The following KIAA1549 variants were observed in gnomAD, a reference collection of about 807,000 sequenced individuals.
KIAA1549 encodes the protein KIAA1549.
In KIAA1549, 70 loss-of-function variants were observed where a neutral mutation model predicts 156.4. The ratio of observed to expected loss-of-function variants is 0.45; its 90% CI spans 0.37 to 0.55. KIAA1549 has a LOEUF of 0.55. KIAA1549 is among the 20% of genes least tolerant of loss of function. The pLI is 0.00. For synonymous variants in KIAA1549, 1,103 were observed against 1,066.4 expected (o/e 1.03, Z -0.67); for missense variants, 2,428 against 2,540.9 (o/e 0.96, Z 0.96).
At chr7:138,850,354 ATC>A (rs1253054430) in intron 17 of KIAA1549, among the ~76,000 whole-genome samples, 2 of 152,198 alleles carry the variant, frequency 1.3e-5, no homozygotes, top group African/African-American at 4.8e-5. Flanking sequence ...CCTCACCAGC[ATC>A]TGTTATTTTC....
Position 138,861,218 on chromosome 7 carries a change from G to T in KIAA1549, c.5168C>A (p.Thr1723Asn), listed in dbSNP as rs1181415226. ...GVPPGLPANS[T>N]PSQEERRATQ... ...GGCTCGCCTCTCTTCCTGGGAAGGG[G>T]TGCTGTTTGCGGGCAGGCCGGGTGG... The change falls in exon 16 of 20, where the codon ACC becomes AAC. Residue 1723 changes from threonine to asparagine, a missense_variant. Physicochemically the swap from Thr to Asn is moderately conservative, Grantham distance 65 (BLOSUM62 0). Around this residue, in one of 5 missense-constraint regions of KIAA1549, gnomAD observed 363 missense variants for 354.0 expected, o/e 1.03. Coordinates refer to ENST00000422774, the MANE Select transcript of KIAA1549 (RefSeq NM_001164665.2). The T allele has an allele frequency of 6.2e-7, 1 of 1,613,496 alleles. No homozygotes were observed. Among genetic ancestry groups the T allele is most frequent in the Non-Finnish European group, 8.5e-7 (1 of 1,179,806 alleles).
intron 1 of KIAA1549, among the ~76,000 whole-genome samples, chr7:138,927,897 C>T (rs1358784251): frequency 6.6e-6 from 1 of 151,626 alleles, no homozygotes; most frequent in Non-Finnish European, 1.5e-5. Flanking sequence ...GCGGGCCACT[C>T]ATGTTGCCTC....
Position 138,837,052 on chromosome 7 carries a change from G to A in KIAA1549, c.*854C>T. 1 of 228,808 alleles carries A rather than the reference G, an allele frequency of 4.4e-6. No homozygotes were observed. The highest frequency in any genetic ancestry group is 8.7e-6 in the Non-Finnish European group (1 of 115,346). 14.2% of individuals were successfully genotyped at this position (228,808 alleles called of 1,614,324 possible). A position where few individuals can be genotyped will look rare whatever the true frequency, so the allele number is the denominator to read the frequency against. On this transcript the variant is annotated 3_prime_UTR_variant, in exon 20 of 20. Coordinates refer to ENST00000422774, the MANE Select transcript of KIAA1549 (RefSeq NM_001164665.2). ...GGCCTTAGCGATCGGTGCTGAACTG[G>A]GACATGACCAGGAGTTGTGTGTGCC...
chr7:138,942,737 C>T lies in KIAA1549; in HGVS notation c.188-23299G>A, dbSNP rs190893026. Among the ~76,000 whole-genome samples the T allele has an allele frequency of 5.4e-3, 822 of 152,128 alleles. 9 individuals are homozygous for T. Among genetic ancestry groups the T allele is most frequent in the African/African-American group, 0.019 (781 of 41,498 alleles). Reference sequence around the variant, plus strand: ...CATCCTGGCTAACATGGTGAAACCCCATCTCTACTGAAAATATAAAAAATT... The same window carrying T: ...CATCCTGGCTAACATGGTGAAACCCTATCTCTACTGAAAATATAAAAAATT... On this transcript the variant is annotated intron_variant, in intron 1 of 19. Transcript: ENST00000422774.
chr7:138,932,293 G>A (rs77406316), intron 1 of KIAA1549, among the ~76,000 whole-genome samples: 418 of 152,336 alleles, frequency 2.7e-3, no homozygotes, highest in African/African-American at 9.4e-3. Flanking sequence ...TGTGGGCAAA[G>A]GATGTGGGAT....
In KIAA1549 at chr7:138,953,518, T is replaced by C. The variant is rs540570136; in HGVS notation, c.187+27565A>G. On this transcript the variant is annotated intron_variant, in intron 1 of 19. Transcript: ENST00000422774. ...CCTATATAAAACACTGCCAGAAAAA[T>C]AGTACACAAAAAAGCGTAAATCTAC... 2.6e-4 allele frequency among the ~76,000 whole-genome samples: 39 copies of C among 151,646 alleles called. No individual in the cohort carries two copies. The South Asian group carries it at 7.7e-3, about 30-fold the overall frequency.
chr7:138,922,698 G>A (rs35470831), intron 1 of KIAA1549, among the ~76,000 whole-genome samples: 6,519 of 151,886 alleles, frequency 0.043, 159 homozygotes, highest in African/African-American at 0.047. Flanking sequence ...TTAGTGAACT[G>A]GGGGATAGGT....
chr7:138,841,005 ATTTTC>A (rs1013121463), intron 18 of KIAA1549, among the ~76,000 whole-genome samples: 4 of 152,152 alleles, frequency 2.6e-5, no homozygotes, highest in African/African-American at 9.7e-5. Flanking sequence ...CTGGACTCTG[ATTTTC>A]TTTTAATTCA....
At chr7:138,847,994 T>C (rs1034610648) in intron 17 of KIAA1549, among the ~76,000 whole-genome samples, 6 of 152,366 alleles carry the variant, frequency 3.9e-5, no homozygotes, top group Non-Finnish European at 7.3e-5. Context: ...GTTGCTTATA[T>C]GCAGAAATAA....
intron 16 of KIAA1549, among the ~76,000 whole-genome samples, chr7:138,857,534 T>C (rs1810429469): frequency 6.6e-6 from 1 of 152,252 alleles, no homozygotes; most frequent in South Asian, 2.1e-4. Context: ...TTTTTCAAAG[T>C]GGTTGTGCTA....
intron 1 of KIAA1549, among the ~76,000 whole-genome samples, chr7:138,940,561 C>G (rs1813154752): frequency 6.6e-6 from 1 of 151,696 alleles, no homozygotes; most frequent in Admixed American, 6.6e-5. Context: ...AATGGTATTT[C>G]TAGTTCTAGA....
intron 1 of KIAA1549, among the ~76,000 whole-genome samples, chr7:138,942,636 C>A (rs1813217042): frequency 6.6e-6 from 1 of 152,024 alleles, no homozygotes; most frequent in East Asian, 1.9e-4. Context: ...GGAGGCTGGG[C>A]ACGGTGACTC....
chr7:138,869,121 G>C (rs1810843776), intron 14 of KIAA1549, among the ~76,000 whole-genome samples: 1 of 152,222 alleles, frequency 6.6e-6, no homozygotes, highest in Non-Finnish European at 1.5e-5. Context: ...AGCCTGGGTG[G>C]CTCCGGGAGA....
rs770334841 is a variant in KIAA1549, at chr7:138,904,640, A to AG, written c.3520+381dup. On this transcript the variant is annotated intron_variant, in intron 7 of 19. Transcript: ENST00000422774. Reference sequence around the variant, plus strand: ...CTAAGACAAAAAAAAAAAAAAAAAAAGCTTCCCAGGTGCCAAGCCACCCTG... The same window carrying AG: ...CTAAGACAAAAAAAAAAAAAAAAAAAGGCTTCCCAGGTGCCAAGCCACCCTG... Among the ~76,000 whole-genome samples the AG allele has an allele frequency of 7.1e-4, 105 of 147,276 alleles. No homozygotes were observed. The Middle Eastern group carries it at 0.014, about 20-fold the overall frequency.
chr7:138,949,270 T>C (rs1584778230), intron 1 of KIAA1549, among the ~76,000 whole-genome samples: 1 of 152,062 alleles, frequency 6.6e-6, no homozygotes, highest in East Asian at 1.9e-4. Context: ...CGCTGAAAGA[T>C]AAAAAAGTGA....
intron 12 of KIAA1549, among the ~76,000 whole-genome samples, chr7:138,871,788 G>A (rs1005447913): frequency 1.3e-5 from 2 of 152,226 alleles, no homozygotes; most frequent in Non-Finnish European, 2.9e-5. Flanking sequence ...GCTCGCTGGA[G>A]TGATACAAAT....
intron 1 of KIAA1549, among the ~76,000 whole-genome samples, chr7:138,941,288 TC>T (rs1813177115): frequency 1.3e-5 from 2 of 151,812 alleles, no homozygotes; most frequent in African/African-American, 4.8e-5. Context: ...TATATTAAAG[TC>T]CCCCTCCCCT....
At chr7:138,840,492 C>T (rs1356612291) in intron 18 of KIAA1549, among the ~76,000 whole-genome samples, 4 of 151,966 alleles carry the variant, frequency 2.6e-5, no homozygotes, top group Non-Finnish European at 4.4e-5. Flanking sequence ...AAATGCACCA[C>T]GAAGCGGTAG....
chr7:138,874,890 G>A (rs1811036502), intron 12 of KIAA1549, among the ~76,000 whole-genome samples: 1 of 152,112 alleles, frequency 6.6e-6, no homozygotes, highest in Non-Finnish European at 1.5e-5. Context: ...AGCTACTCGG[G>A]AGGCTGAGAA....
Sources: allele counts gnomAD v4.1 joint callset (sites outside exome capture counted in the v4.1 genomes callset), GRCh38; gene constraint gnomAD v4.1.1; regional missense constraint gnomAD v4.1.1; transcripts MANE v1.5; gene names NCBI Gene and HGNC (gene_info 2026-07-23, HGNC 2026-07-21).